ATXN10: variants seen among roughly 807,000 people sequenced by gnomAD.
ATXN10 encodes the protein ataxin-10.
Under a neutral mutation model 52.9 loss-of-function variants are expected in ATXN10, and 28 were observed. The ratio of observed to expected loss-of-function variants is 0.53; its 90% CI spans 0.39 to 0.73. The LOEUF is 0.73. Among genes scored for constraint, ATXN10 ranks in the 30% least tolerant of loss-of-function variants. ATXN10 has a pLI of 0.00. For synonymous variants in ATXN10, 226 were observed against 221.5 expected (o/e 1.02, Z -0.18); for missense variants, 565 against 577.0 (o/e 0.98, Z 0.21).
intron 9 of ATXN10, among the ~76,000 whole-genome samples, chr22:45,791,699 G>A (rs940358016): frequency 6.6e-6 from 1 of 152,078 alleles, no homozygotes; most frequent in African/African-American, 2.4e-5. Flanking sequence ...AATATTTTAG[G>A]GGAAGGGGAT....
chr22:45,800,423 TGC>T (rs1231992710), intron 9 of ATXN10, among the ~76,000 whole-genome samples: 1 of 152,244 alleles, frequency 6.6e-6, no homozygotes, highest in African/African-American at 2.4e-5. Context: ...CACAGTGTGA[TGC>T]TGCCTAAAAC....
intron 1 of ATXN10, chr22:45,680,162 A>G (rs1285053551): frequency 6.6e-6 from 1 of 152,212 alleles, no homozygotes; most frequent in Non-Finnish European, 1.5e-5. Context: ...GAGATGATCC[A>G]TAAGTGGGGG....
chr22:45,680,959 A>G (rs1922896738), intron 1 of ATXN10, among the ~76,000 whole-genome samples: 1 of 152,060 alleles, frequency 6.6e-6, no homozygotes, highest in African/African-American at 2.4e-5. Context: ...TCTCTCCTGC[A>G]CTCAGTACAA....
rs1927348771 is a variant in ATXN10 at position 45,787,170 on chromosome 22, T to G, written c.1174-19789T>G. On this transcript the variant is annotated intron_variant, in intron 9 of 11. Transcript: ENST00000252934. This position sits in a 1 kb window ranked among gnomAD's most constrained non-coding sequence, Gnocchi z 4.2. ...TTTTTAACAAATTAAGTATAAGTAT[T>G]TAATATATGTGCATTGAAAAACACA... 6.6e-6 allele frequency among the ~76,000 whole-genome samples: 1 copy of G among 152,180 alleles called. No homozygotes were observed. The highest frequency in any genetic ancestry group is 1.5e-5 in the Non-Finnish European group (1 of 68,028).
At chr22:45,673,327 G>C (rs184785354) in intron 1 of ATXN10, 1 of 152,370 alleles carries the variant, frequency 6.6e-6, no homozygotes, top group East Asian at 1.9e-4. Flanking sequence ...ACTGAGACTT[G>C]GGTCAGCCTA....
At chr22:45,791,670 A>T (rs182891586) in intron 9 of ATXN10, among the ~76,000 whole-genome samples, 20 of 152,316 alleles carry the variant, frequency 1.3e-4, no homozygotes, top group African/African-American at 3.8e-4. Context: ...TGATTTAGTT[A>T]TGCTAATATT....
chr22:45,708,619 T>C lies in ATXN10; in HGVS notation c.647+5772T>C, dbSNP rs1014146719. On this transcript the variant is annotated intron_variant, in intron 5 of 11. Coordinates refer to ENST00000252934, the MANE Select transcript of ATXN10 (RefSeq NM_013236.4). This position sits in a 1 kb window ranked among gnomAD's most constrained non-coding sequence, Gnocchi z 5.3. ...TTTCAAAGGTGAGGCATGAACTCTT[T>C]TCAGTTTTAGCCTCTTTTGGTGTAA... Among the ~76,000 whole-genome samples, 19 of 152,146 alleles carry C rather than the reference T, an allele frequency of 1.2e-4. No individual in the cohort carries two copies. The highest frequency in any genetic ancestry group is 4.3e-4 in the African/African-American group (18 of 41,448).
chr22:45,747,493 G>C (rs1443392306), intron 9 of ATXN10, among the ~76,000 whole-genome samples: 1 of 151,668 alleles, frequency 6.6e-6, no homozygotes, highest in East Asian at 2.0e-4. Context: ...GAGGGTGTGA[G>C]ACCCTGTTTA....
intron 8 of ATXN10, among the ~76,000 whole-genome samples, chr22:45,740,149 C>G (rs773284389): frequency 5.9e-5 from 9 of 152,024 alleles, no homozygotes; most frequent in Non-Finnish European, 1.0e-4. Flanking sequence ...CTTATCTCCC[C>G]AAAACTAGAG....
chr22:45,816,187 A>G lies in ATXN10; in HGVS notation c.1237+9165A>G, dbSNP rs1222476198. Reference sequence around the variant, plus strand: ...AGAATCGCTTGAACCTGCAAGGCGCAGGTTGTAGTGAGCTGAGATTGTGTC... The same window carrying G: ...AGAATCGCTTGAACCTGCAAGGCGCGGGTTGTAGTGAGCTGAGATTGTGTC... On this transcript the variant is annotated intron_variant, in intron 10 of 11. Transcript: ENST00000252934. This position sits in a 1 kb window ranked among gnomAD's most constrained non-coding sequence, Gnocchi z 5.8. Among the ~76,000 whole-genome samples, 6 of 152,190 alleles carry G rather than the reference A, an allele frequency of 3.9e-5. No homozygotes were observed. Among genetic ancestry groups the G allele is most frequent in the African/African-American group, 1.4e-4 (6 of 41,446 alleles).
At chr22:45,697,534 A>G (rs1923660629) in intron 3 of ATXN10, among the ~76,000 whole-genome samples, 1 of 152,192 alleles carries the variant, frequency 6.6e-6, no homozygotes, top group South Asian at 2.1e-4. Flanking sequence ...CTGTCTCTGT[A>G]GATCTACCTA....
At chr22:45,736,951 C>G (rs999579794) in intron 7 of ATXN10, among the ~76,000 whole-genome samples, 1 of 152,128 alleles carries the variant, frequency 6.6e-6, no homozygotes, top group African/African-American at 2.4e-5. Context: ...GAGAAACTTT[C>G]CCTAACCAAT....
rs138162 is a variant in ATXN10, at chr22:45,730,344, C to CAA, written c.894+772_894+773dup. 2.3e-3 allele frequency among the ~76,000 whole-genome samples: 180 copies of CAA among 77,100 alleles called. 3 individuals are homozygous for CAA. Among genetic ancestry groups the CAA allele is most frequent in the Middle Eastern group, 6.9e-3 (1 of 144 alleles). The allele number at this position is 77,100 out of a possible 152,430, so 50.6% of individuals were successfully genotyped here. Reference sequence around the variant, plus strand: ...GGGTGATGCAGTGAGACCCTTGTCTCAAAAAAAAAAAAAAAAAAAGCCAAC... The same window carrying CAA: ...GGGTGATGCAGTGAGACCCTTGTCTCAAAAAAAAAAAAAAAAAAAAAGCCAAC... On this transcript the variant is annotated intron_variant, in intron 7 of 11. Transcript: ENST00000252934.
intron 7 of ATXN10, among the ~76,000 whole-genome samples, chr22:45,731,047 G>A (rs117989001): frequency 0.011 from 1,743 of 152,226 alleles, 18 homozygotes; most frequent in Non-Finnish European, 0.015. Flanking sequence ...GGCGTGGAAG[G>A]GAGCTTATGT....
At chr22:45,699,800 T>C (rs1923769287) in intron 3 of ATXN10, among the ~76,000 whole-genome samples, 1 of 151,762 alleles carries the variant, frequency 6.6e-6, no homozygotes, top group Admixed American at 6.6e-5. Context: ...AGGCAATAAG[T>C]TAATTAATTT....
At position 45,740,679 on chromosome 22, in the gene ATXN10, TACACACACACACACACAC is replaced by T. The variant is rs74268525; in HGVS notation, c.1173+165_1173+182del. The T allele has an allele frequency of 2.2e-4, 86 of 392,072 alleles. 2 individuals are homozygous for T. Among genetic ancestry groups the T allele is most frequent in the Middle Eastern group, 1.6e-3 (2 of 1,270 alleles). The allele number at this position is 392,072 out of a possible 1,614,324, so 24.3% of individuals were successfully genotyped here. A position where few individuals can be genotyped will look rare whatever the true frequency, so the allele number is the denominator to read the frequency against. ...TAGAGAGATATATATTTTATATGAA[TACACACACACACACACAC>T]ACACACACACACACACACACACATA... is the stretch of plus-strand genomic sequence containing the variant. On this transcript the variant is annotated intron_variant, in intron 9 of 11. Coordinates refer to ENST00000252934, the MANE Select transcript of ATXN10 (RefSeq NM_013236.4).
At chr22:45,713,259 A>G (rs896739278) in intron 5 of ATXN10, among the ~76,000 whole-genome samples, 1 of 152,168 alleles carries the variant, frequency 6.6e-6, no homozygotes, top group Admixed American at 6.5e-5. Flanking sequence ...TCTGCCTGCA[A>G]CTGTTCACGT....
At chr22:45,717,344 C>T (rs556050618) in intron 5 of ATXN10, among the ~76,000 whole-genome samples, 4 of 152,110 alleles carry the variant, frequency 2.6e-5, no homozygotes, top group East Asian at 3.9e-4. Flanking sequence ...TGGAATATTG[C>T]GTTTTTGCTA....
intron 9 of ATXN10, among the ~76,000 whole-genome samples, chr22:45,798,200 G>A (rs1048778294): frequency 1.5e-4 from 23 of 152,006 alleles, no homozygotes; most frequent in African/African-American, 1.5e-4. Flanking sequence ...TCCCAAATCC[G>A]GACAAAAACC....
Sources: allele counts gnomAD v4.1 joint callset (sites outside exome capture counted in the v4.1 genomes callset), GRCh38; gene constraint gnomAD v4.1.1; non-coding constraint Gnocchi (gnomAD v3.1); transcripts MANE v1.5; gene names NCBI Gene and HGNC (gene_info 2026-07-23, HGNC 2026-07-21).